SEMA6D: variants seen among roughly 807,000 people sequenced by gnomAD.
SEMA6D encodes the protein semaphorin 6D.
A neutral mutation model predicts 106.6 loss-of-function variants in SEMA6D; 35 were observed. The ratio of observed to expected loss-of-function variants is 0.33; its 90% CI spans 0.25 to 0.44. The LOEUF is 0.44. Among genes scored for constraint, SEMA6D ranks in the 20% least tolerant of loss-of-function variants. The pLI is 1.00. For synonymous variants in SEMA6D, 499 were observed against 487.7 expected, an observed-to-expected ratio of 1.02 and a Z score of -0.31; for missense variants, 1,185 against 1,345.9, an observed-to-expected ratio of 0.88 and a Z score of 1.87.
intron 3 of SEMA6D, among the ~76,000 whole-genome samples, chr15:47,484,296 A>G (rs1043763411): frequency 3.9e-5 from 6 of 152,104 alleles, no homozygotes; most frequent in African/African-American, 1.4e-4. Flanking sequence ...ACATTATCTC[A>G]GCAGGAACAG....
At chr15:47,557,413 T>G (rs1267746060) in intron 3 of SEMA6D, among the ~76,000 whole-genome samples, 2 of 152,178 alleles carry the variant, frequency 1.3e-5, no homozygotes, top group African/African-American at 4.8e-5. Context: ...TTCACAAACA[T>G]AATGCTCAGT....
chr15:47,635,945 A>G (rs1328845201), intron 4 of SEMA6D, among the ~76,000 whole-genome samples: 1 of 127,470 alleles, frequency 7.8e-6, no homozygotes, highest in Non-Finnish European at 1.6e-5. Context: ...AAAATTCACG[A>G]AACTTAAATG....
chr15:47,301,100 G>C (rs1029919843), intron 1 of SEMA6D, among the ~76,000 whole-genome samples: 1 of 152,230 alleles, frequency 6.6e-6, no homozygotes, highest in East Asian at 1.9e-4. Context: ...TTGGGAGCTA[G>C]ACAAAATGGA....
intron 4 of SEMA6D, among the ~76,000 whole-genome samples, chr15:47,645,125 C>T (rs527568206): frequency 6.6e-5 from 10 of 152,144 alleles, no homozygotes; most frequent in Non-Finnish European, 1.3e-4. Context: ...GTTGGTTGGG[C>T]TCCAAATCTG....
intron 1 of SEMA6D, among the ~76,000 whole-genome samples, chr15:47,409,026 C>T (rs1017370527): frequency 6.6e-6 from 1 of 152,212 alleles, no homozygotes; most frequent in Admixed American, 6.5e-5. Context: ...CACTGATGCA[C>T]TTCAAGTATT....
At chr15:47,457,903 GA>G (rs1032124158) in intron 2 of SEMA6D, among the ~76,000 whole-genome samples, 3 of 149,392 alleles carry the variant, frequency 2.0e-5, no homozygotes, top group African/African-American at 4.9e-5. Flanking sequence ...GTAGCCAAAA[GA>G]AAAAAAAAGT....
intron 4 of SEMA6D, among the ~76,000 whole-genome samples, chr15:47,690,188 G>T (rs942717117): frequency 6.6e-6 from 1 of 152,136 alleles, no homozygotes; most frequent in African/African-American, 2.4e-5. Context: ...TACTGAAAAA[G>T]TCAAAAGCCT....
chr15:47,313,427 C>CCATGTATTTT (rs1440837562), intron 1 of SEMA6D, among the ~76,000 whole-genome samples: 2 of 152,140 alleles, frequency 1.3e-5, no homozygotes, highest in Non-Finnish European at 2.9e-5. Context: ...TAAGCTTCCT[C>CCATGTATTTT]CATGTATTTT....
intron 2 of SEMA6D, among the ~76,000 whole-genome samples, chr15:47,466,447 G>A (rs1418431374): frequency 6.6e-6 from 1 of 152,030 alleles, no homozygotes. Context: ...TTAGCATAAT[G>A]TCCTCAAAGT....
At chr15:47,276,726 A>G (rs1022033652) in intron 1 of SEMA6D, among the ~76,000 whole-genome samples, 22 of 152,220 alleles carry the variant, frequency 1.4e-4, no homozygotes, top group African/African-American at 5.3e-4. Flanking sequence ...GCCTGCTAAC[A>G]AAACATTCAT....
At chr15:47,561,136 T>A (rs1339986621) in intron 3 of SEMA6D, among the ~76,000 whole-genome samples, 1 of 151,460 alleles carries the variant, frequency 6.6e-6, no homozygotes, top group Non-Finnish European at 1.5e-5. Flanking sequence ...AACCTACAGA[T>A]CCAAGATCAA....
At chr15:47,280,508 T>C (rs1415974503) in intron 1 of SEMA6D, among the ~76,000 whole-genome samples, 3 of 122,530 alleles carry the variant, frequency 2.4e-5, no homozygotes, top group Non-Finnish European at 5.0e-5. Context: ...TTTGAAGGGT[T>C]TTTTGTGTCT....
chr15:47,734,251 G>A (rs2080315378), intron 1 of SEMA6D, among the ~76,000 whole-genome samples: 1 of 152,104 alleles, frequency 6.6e-6, no homozygotes, highest in Non-Finnish European at 1.5e-5. Context: ...ATTTATTCAT[G>A]CAACAGATAA....
chr15:47,436,468 C>T (rs929930373), intron 2 of SEMA6D, among the ~76,000 whole-genome samples: 1 of 151,216 alleles, frequency 6.6e-6, no homozygotes, highest in Non-Finnish European at 1.5e-5. Context: ...CATTGTTAGC[C>T]TGACCTGACT....
intron 4 of SEMA6D, among the ~76,000 whole-genome samples, chr15:47,642,535 A>G (rs1196773867): frequency 6.6e-6 from 1 of 152,162 alleles, no homozygotes; most frequent in Non-Finnish European, 1.5e-5. Flanking sequence ...CTTGCCCTCA[A>G]AGGCTTCACT....
intron 4 of SEMA6D, among the ~76,000 whole-genome samples, chr15:47,630,905 A>T (rs367673971): frequency 1.3e-5 from 2 of 151,894 alleles, no homozygotes; most frequent in African/African-American, 4.8e-5. Context: ...ACATTGATTT[A>T]TTTCTGAATG....
At chr15:47,425,671 T>A (rs142374949) in intron 2 of SEMA6D, among the ~76,000 whole-genome samples, 1,706 of 151,436 alleles carry the variant, frequency 0.011, 38 homozygotes, top group African/African-American at 0.04. Flanking sequence ...TAAGATACTT[T>A]CTTTTTTTTT....
intron 4 of SEMA6D, among the ~76,000 whole-genome samples, chr15:47,635,426 A>G (rs976838955): frequency 1.3e-5 from 2 of 152,158 alleles, no homozygotes; most frequent in East Asian, 1.9e-4. Flanking sequence ...ACAGCTCCCA[A>G]TAGGGTCCTT....
chr15:47,640,958 C>G (rs1404606845), intron 4 of SEMA6D, among the ~76,000 whole-genome samples: 7 of 151,948 alleles, frequency 4.6e-5, no homozygotes, highest in Non-Finnish European at 8.8e-5. Flanking sequence ...AGTCCTTCAC[C>G]AATTATTCTT....
Sources: gnomAD v4.1 joint callset for allele counts (sites outside exome capture counted in the v4.1 genomes callset) on GRCh38, gnomAD v4.1.1 for gene constraint, MANE v1.5 for transcripts, NCBI Gene and HGNC (gene_info 2026-07-23, HGNC 2026-07-21) for gene names.